Variants in OXR1 observed in about 807,000 individuals in gnomAD.
The protein encoded by OXR1 is oxidation resistance protein 1.
Under a neutral mutation model 104.6 loss-of-function variants are expected in OXR1, and 41 were observed. That is an observed-to-expected ratio of 0.39 (90% CI 0.31 to 0.51). The LOEUF is 0.51. Among genes scored for constraint, OXR1 ranks in the 20% least tolerant of loss-of-function variants. The probability of loss-of-function intolerance (pLI) is 0.77; values close to 1 mark genes in which losing one functional copy is unlikely to be tolerated. For synonymous variants in OXR1, 348 were observed against 348.4 expected (o/e 1.00, Z 0.01); for missense variants, 955 against 1,031.9 (o/e 0.93, Z 1.02).
At chr8:106,457,631 G>A (rs913798480) in intron 2 of OXR1, among the ~76,000 whole-genome samples, 1 of 149,064 alleles carries the variant, frequency 6.7e-6, no homozygotes, top group African/African-American at 2.5e-5. Flanking sequence ...TCTGATGAAG[G>A]CATAGAAGAC....
chr8:106,454,460 C>CA (rs954067249), intron 2 of OXR1, among the ~76,000 whole-genome samples: 1,870 of 63,408 alleles, frequency 0.029, 43 homozygotes, highest in African/African-American at 0.095. Flanking sequence ...GACTCTGTCT[C>CA]AAAAAAAAAA....
chr8:106,691,641 TAC>T (rs1554621609), intron 6 of OXR1, among the ~76,000 whole-genome samples: 5 of 114,988 alleles, frequency 4.3e-5, no homozygotes, highest in Non-Finnish European at 5.7e-5. Flanking sequence ...TATATATATA[TAC>T]ACACACATAT....
rs1207606160 is a variant in OXR1, at chr8:106,751,585, T to C, written c.*644T>C. On this transcript the variant is annotated 3_prime_UTR_variant, in exon 17 of 17. Coordinates refer to ENST00000517566, the MANE Select transcript of OXR1 (RefSeq NM_001198533.2). ...TTGTAATAGATGACAGTACATATGATCTGCAGGTTTGGGCATATGCTTTCA... is the reference window on the plus strand; with the variant it reads ...TTGTAATAGATGACAGTACATATGACCTGCAGGTTTGGGCATATGCTTTCA... The C allele has an allele frequency of 6.6e-6, 1 of 152,582 alleles. No homozygotes were observed. The highest frequency in any genetic ancestry group is 2.4e-5 in the African/African-American group (1 of 41,456). 9.5% of individuals were successfully genotyped at this position (152,582 alleles called of 1,614,324 possible).
At chr8:106,580,877 A>C (rs1563620379) in intron 3 of OXR1, 2 of 483,482 alleles carry the variant, frequency 4.1e-6, no homozygotes, top group Non-Finnish European at 5.4e-6. Flanking sequence ...CAGCCTTTCA[A>C]GTGTGTTCAC....
chr8:106,375,367 T>TTTAC (rs1430274960), intron 2 of OXR1, among the ~76,000 whole-genome samples: 1 of 152,236 alleles, frequency 6.6e-6, no homozygotes, highest in East Asian at 1.9e-4. Flanking sequence ...GCATTCATTG[T>TTTAC]TTACTTCTAG....
chr8:106,400,120 C>G (rs1817942678), intron 2 of OXR1, among the ~76,000 whole-genome samples: 1 of 152,070 alleles, frequency 6.6e-6, no homozygotes. Flanking sequence ...TGATTATAAG[C>G]CTTCCAACTA....
At position 106,538,450 on chromosome 8, in the gene OXR1, AT is replaced by A. The variant is rs201203808; in HGVS notation, c.220+19319del. Among the ~76,000 whole-genome samples the A allele has an allele frequency of 2.7e-3, 408 of 151,846 alleles. 2 individuals are homozygous for A. The highest frequency in any genetic ancestry group is 5.7e-3 in the African/African-American group (234 of 41,414). ...TTTCTTGTATCATCTCTTTTCTACT[AT>A]TTTTTTTCCCCTCCCATTAAGTTTT... On this transcript the variant is annotated intron_variant, in intron 3 of 16. Coordinates refer to ENST00000517566, the MANE Select transcript of OXR1 (RefSeq NM_001198533.2).
intron 7 of OXR1, 113 bp from the exon 8 acceptor site, chr8:106,702,793 G>C: frequency 1.3e-6 from 1 of 772,452 alleles, no homozygotes; most frequent in Non-Finnish European, 2.0e-6. Context: ...CAGTTCCTGA[G>C]TGTACTATTT....
Position 106,706,592 on chromosome 8 carries a change from G to A in OXR1, c.1071G>A (p.Leu357=). The A allele has an allele frequency of 6.2e-7, 1 of 1,612,774 alleles. No homozygotes were observed. Among genetic ancestry groups the A allele is most frequent in the Non-Finnish European group, 8.5e-7 (1 of 1,179,676 alleles). ...AGGAGCTTGTATCTTCAGATGAACTGCGACAAGATAAATCTTCTGGTGCGT... is the reference window on the plus strand; with the variant it reads ...AGGAGCTTGTATCTTCAGATGAACTACGACAAGATAAATCTTCTGGTGCGT... ...IREELVSSDE[L]RQDKSSGASS... is the part of the protein sequence containing the mutation. The change falls in exon 9 of 17, where the codon CTG becomes CTA. Residue 357 remains leucine (L), a synonymous_variant. Transcript: ENST00000517566.
At chr8:106,618,248 A>T in intron 3 of OXR1, 1 of 1,219,702 alleles carries the variant, frequency 8.2e-7, no homozygotes, top group Non-Finnish European at 1.2e-6. Context: ...TACAGCGGAC[A>T]TTAAAGGGCA....
intron 2 of OXR1, among the ~76,000 whole-genome samples, chr8:106,486,379 G>A (rs1169350630): frequency 6.6e-6 from 1 of 152,066 alleles, no homozygotes; most frequent in Non-Finnish European, 1.5e-5. Flanking sequence ...AGCAAATTGT[G>A]CATGTGTGTA....
intron 2 of OXR1, among the ~76,000 whole-genome samples, chr8:106,452,971 C>T (rs1333096364): frequency 1.3e-5 from 2 of 152,256 alleles, no homozygotes; most frequent in Non-Finnish European, 1.5e-5. Flanking sequence ...TGTACTAAGC[C>T]ATAGCCATAT....
At chr8:106,443,533 G>T (rs1220975504) in intron 2 of OXR1, among the ~76,000 whole-genome samples, 2 of 152,124 alleles carry the variant, frequency 1.3e-5, no homozygotes, top group Non-Finnish European at 2.9e-5. Context: ...CTATTATTGT[G>T]TGGGAGTCTA....
In OXR1 at chr8:106,426,980, C is replaced by T. The variant is rs116315532; in HGVS notation, c.23+67344C>T. On this transcript the variant is annotated intron_variant, in intron 2 of 16. Coordinates refer to ENST00000517566, the MANE Select transcript of OXR1 (RefSeq NM_001198533.2). ...TAAGTTAAAAATGGTAAGAAATGGACTCATCAGATATTTCCTCCCATTGAT... is the reference window on the plus strand; with the variant it reads ...TAAGTTAAAAATGGTAAGAAATGGATTCATCAGATATTTCCTCCCATTGAT... Among the ~76,000 whole-genome samples the T allele has an allele frequency of 4.1e-3, 626 of 152,124 alleles. 4 individuals are homozygous for T. The highest frequency in any genetic ancestry group is 0.014 in the African/African-American group (590 of 41,502).
chr8:106,645,479 G>T (rs1291897744), intron 3 of OXR1, among the ~76,000 whole-genome samples: 2 of 152,286 alleles, frequency 1.3e-5, no homozygotes, highest in South Asian at 4.1e-4. Context: ...ATAGATTTGA[G>T]TTTTGAATCT....
At chr8:106,405,141 CATATATATATATATATATAT>C (rs143485889) in intron 2 of OXR1, among the ~76,000 whole-genome samples, 2,676 of 79,030 alleles carry the variant, frequency 0.034, 149 homozygotes, top group Non-Finnish European at 0.057. Flanking sequence ...TCAGAAACCA[CATATATATATATATATATAT>C]ATATATATAT....
At chr8:106,694,583 TTA>T (rs1483565321) in intron 7 of OXR1, among the ~76,000 whole-genome samples, 5 of 74,096 alleles carry the variant, frequency 6.7e-5, no homozygotes, top group Admixed American at 4.0e-4. Context: ...ATATAAATGT[TTA>T]TATATATTTG....
intron 2 of OXR1, among the ~76,000 whole-genome samples, chr8:106,506,349 C>A (rs983958125): frequency 6.6e-6 from 1 of 152,184 alleles, no homozygotes; most frequent in South Asian, 2.1e-4. Context: ...CGCGGTGGCT[C>A]ACGCCTGTAA....
rs1474788638 is a variant in OXR1, at chr8:106,519,271, A to G, written c.220+132A>G. 15 of 650,394 alleles carry G rather than the reference A, an allele frequency of 2.3e-5. No individual in the cohort carries two copies. In the East Asian group the frequency reaches 3.3e-4, roughly 14 times the overall value. The allele number at this position is 650,394 out of a possible 1,614,324, so 40.3% of individuals were successfully genotyped here. On this transcript the variant is annotated intron_variant, in intron 3 of 16. Transcript: ENST00000517566. ...AATCTTTCTGATGGTTTATTTGGAC[A>G]TTTTCTTATGTGGTCTGAACATAAA...
Sources: allele counts gnomAD v4.1 joint callset (sites outside exome capture counted in the v4.1 genomes callset), GRCh38; gene constraint gnomAD v4.1.1; transcripts MANE v1.5; gene names NCBI Gene and HGNC (gene_info 2026-07-23, HGNC 2026-07-21).